Variants in DOCK8 observed in about 807,000 individuals in gnomAD.
The protein encoded by DOCK8 is dedicator of cytokinesis 8.
Under a neutral mutation model 245.6 loss-of-function variants are expected in DOCK8, and 141 were observed. The ratio of observed to expected loss-of-function variants is 0.57; its 90% CI spans 0.50 to 0.66. DOCK8 has a LOEUF of 0.66. Among genes scored for constraint, DOCK8 ranks in the 30% least tolerant of loss-of-function variants. DOCK8 has a pLI of 0.00. For synonymous variants in DOCK8, 1,168 were observed against 970.2 expected (o/e 1.20, Z -3.79); for missense variants, 2,965 against 2,603.4 (o/e 1.14, Z -3.02).
At chr9:439,436 T>G (rs752789734) in intron 40 of DOCK8, 48 bp downstream of exon 40, 11 of 1,606,462 alleles carry the variant, frequency 6.8e-6, no homozygotes, top group Non-Finnish European at 9.3e-6. Flanking sequence ...ATACTCCAGC[T>G]GGACTTGGGG....
At chr9:347,474 C>T (rs2051951672) in intron 14 of DOCK8, among the ~76,000 whole-genome samples, 1 of 152,136 alleles carries the variant, frequency 6.6e-6, no homozygotes. Context: ...CCACTGCCCT[C>T]CAGCCTGGGC....
rs140512998 is a variant in DOCK8, at chr9:368,339, G to A, written c.1797+204G>A. On this transcript the variant is annotated intron_variant, in intron 15 of 47. Transcript: ENST00000432829. ...GACGATCTCTTTCTCGGCTTATTCT[G>A]TAGTGAGCTTGGAACATACAGATCA... 16 of 725,586 alleles carry A rather than the reference G, an allele frequency of 2.2e-5. No homozygotes were observed. In the East Asian group the frequency reaches 3.7e-4, roughly 17 times the overall value. 44.9% of individuals were successfully genotyped at this position (725,586 alleles called of 1,614,324 possible).
At chr9:345,015 G>A (rs536745342) in intron 14 of DOCK8, among the ~76,000 whole-genome samples, 11 of 152,242 alleles carry the variant, frequency 7.2e-5, no homozygotes, top group Admixed American at 7.2e-4. Context: ...TCCTGCCATT[G>A]CACTCCAGCC....
chr9:451,264 TTATGC>T (rs1438059711), intron 45 of DOCK8, among the ~76,000 whole-genome samples: 9 of 151,870 alleles, frequency 5.9e-5, no homozygotes, highest in Non-Finnish European at 1.3e-4. Context: ...TGAGCTGAGA[TTATGC>T]CACTGCGCTC....
upstream of DOCK8, chr9:213,644 T>C (rs1032172443): frequency 1.3e-5 from 2 of 152,110 alleles, no homozygotes; most frequent in African/African-American, 4.8e-5. Context: ...AGACTAACCA[T>C]AATGCCGAGT....
At chr9:291,510 G>A (rs1313656616) in intron 4 of DOCK8, among the ~76,000 whole-genome samples, 1 of 152,120 alleles carries the variant, frequency 6.6e-6, no homozygotes, top group Admixed American at 6.5e-5. Flanking sequence ...ACAGTAAAGA[G>A]TGATTCTCTT....
intron 9 of DOCK8, among the ~76,000 whole-genome samples, chr9:330,217 A>G (rs911578689): frequency 3.3e-5 from 5 of 152,342 alleles, no homozygotes; most frequent in African/African-American, 1.2e-4. Context: ...TTTAAAAAGA[A>G]TTTGTTTTAC....
intron 14 of DOCK8, among the ~76,000 whole-genome samples, chr9:341,936 C>T (rs886762042): frequency 2.6e-5 from 4 of 152,114 alleles, no homozygotes; most frequent in South Asian, 2.1e-4. Context: ...CTAGGTTGTG[C>T]GCTCCTTATG....
rs9792501 is a variant in DOCK8, at chr9:271,467, C to T, written c.54-160C>T. 0.12 allele frequency among the ~76,000 whole-genome samples: 17,526 copies of T among 152,164 alleles called. 1,349 individuals carry two copies. The highest frequency in any genetic ancestry group is 0.38 in the East Asian group (1,982 of 5,162). ...GGTATGTATTATCTGACAAAAACTACGATGTCCACTAACAGGCCACTGAAA... is the reference window on the plus strand; with the variant it reads ...GGTATGTATTATCTGACAAAAACTATGATGTCCACTAACAGGCCACTGAAA... On this transcript the variant is annotated intron_variant, in intron 1 of 47. Coordinates refer to ENST00000432829, the MANE Select transcript of DOCK8 (RefSeq NM_203447.4).
chr9:309,786 A>T (rs922505384), intron 5 of DOCK8, among the ~76,000 whole-genome samples: 1 of 152,248 alleles, frequency 6.6e-6, no homozygotes, highest in African/African-American at 2.4e-5. Context: ...GTGTCTATAC[A>T]CAATTTAATT....
At position 403,902 on chromosome 9, in the gene DOCK8, A is replaced by G. The variant is rs28756838; in HGVS notation, c.3235-1016A>G. On this transcript the variant is annotated intron_variant, in intron 26 of 47. Coordinates refer to ENST00000432829, the MANE Select transcript of DOCK8 (RefSeq NM_203447.4). ...TCTCTCTCTCTCTCTCTATATATAT[A>G]TATATATATATATACATATATATAT... Among the ~76,000 whole-genome samples the G allele has an allele frequency of 1.6e-4, 14 of 89,030 alleles. 1 individual carries two copies. The highest frequency in any genetic ancestry group is 8.7e-4 in the African/African-American group (13 of 15,008). 58.4% of individuals were successfully genotyped at this position (89,030 alleles called of 152,430 possible).
Position 368,093 on chromosome 9 carries a change from G to A in DOCK8, c.1755G>A (p.Lys585=), listed in dbSNP as rs2053097997. The A allele has an allele frequency of 1.2e-6, 2 of 1,614,172 alleles. No individual in the cohort carries two copies. The highest frequency in any genetic ancestry group is 2.2e-5 in the East Asian group (1 of 44,882). The change falls in exon 15 of 48, where the codon AAG becomes AAA. Residue 585 remains lysine, a synonymous_variant. Coordinates refer to ENST00000432829, the MANE Select transcript of DOCK8 (RefSeq NM_203447.4). ...CATCAGCCCGGAACATTACAATAAA[G>A]ATCCAGTTTATGTGTGGAGAAGATG... ...KLASARNITI[K]IQFMCGEDAS...
intron 3 of DOCK8, among the ~76,000 whole-genome samples, chr9:287,678 A>G (rs559404217): frequency 1.3e-5 from 2 of 152,370 alleles, no homozygotes; most frequent in African/African-American, 4.8e-5. Flanking sequence ...TGTTTTAAAA[A>G]TACACACTTC....
intron 33 of DOCK8, among the ~76,000 whole-genome samples, chr9:425,328 C>G (rs1450209228): frequency 1.3e-5 from 2 of 151,992 alleles, no homozygotes; most frequent in East Asian, 1.9e-4. Context: ...GTCAGGAGAT[C>G]GAGACCATCC....
chr9:256,651 C>A (rs1409627210), intron 1 of DOCK8, among the ~76,000 whole-genome samples: 1 of 152,130 alleles, frequency 6.6e-6, no homozygotes, highest in Non-Finnish European at 1.5e-5. Flanking sequence ...GTCATCTCCT[C>A]CCCTCCTATA....
intron 14 of DOCK8, among the ~76,000 whole-genome samples, chr9:352,250 C>T (rs552886350): frequency 2.6e-5 from 4 of 152,220 alleles, no homozygotes; most frequent in Non-Finnish European, 2.9e-5. Context: ...GTTACAGGAG[C>T]CATGGTCTGC....
chr9:464,102 T>A, intron 47 of DOCK8, 57 bp from the exon 48 acceptor site: 1 of 1,466,916 alleles, frequency 6.8e-7, no homozygotes, highest in Non-Finnish European at 9.6e-7. Flanking sequence ...CTAACTGATC[T>A]TTTCTTGCTT....
intron 9 of DOCK8, among the ~76,000 whole-genome samples, chr9:328,582 C>A (rs1183578287): frequency 6.6e-6 from 1 of 152,196 alleles, no homozygotes; most frequent in Non-Finnish European, 1.5e-5. Context: ...TGCAAAGAAG[C>A]TGCTGTGGAG....
intron 1 of DOCK8, among the ~76,000 whole-genome samples, chr9:246,491 GGTGACAGAGTGAGACCCT>G (rs1170198675): frequency 6.6e-6 from 1 of 150,420 alleles, no homozygotes; most frequent in African/African-American, 2.4e-5. Flanking sequence ...CTCCAGTCTG[GGTGACAGAGTGAGACCCT>G]GTCTCAGGAA....
Sources: gnomAD v4.1 joint callset for allele counts (sites outside exome capture counted in the v4.1 genomes callset) on GRCh38, gnomAD v4.1.1 for gene constraint, MANE v1.5 for transcripts, NCBI Gene and HGNC (gene_info 2026-07-23, HGNC 2026-07-21) for gene names.